The following CCN4 variants were observed in gnomAD, a reference collection of about 807,000 sequenced individuals.
CCN4 encodes CCN family member 4.
CCN4 carries 30 observed loss-of-function variants against 36.7 expected under a neutral mutation model. The ratio of observed to expected loss-of-function variants is 0.82; its 90% CI spans 0.61 to 1.11. CCN4 has a LOEUF of 1.11. CCN4 is among the 50% of genes least tolerant of loss of function. The pLI, the probability that CCN4 is intolerant of heterozygous loss-of-function variation, is 0.00. For synonymous variants in CCN4, 191 were observed against 195.4 expected, an observed-to-expected ratio of 0.98 and a Z score of 0.19; for missense variants, 505 against 504.9, an observed-to-expected ratio of 1.00 and a Z score of 0.00.
chr8:133,197,906 G>A (rs1017187881), intron 1 of CCN4, among the ~76,000 whole-genome samples: 18 of 152,148 alleles, frequency 1.2e-4, no homozygotes, highest in African/African-American at 3.4e-4. Flanking sequence ...GGATGAAGGC[G>A]GGTAATTCTA....
Position 133,191,053 on chromosome 8 carries a change from T to A in CCN4, c.-92T>A. The A allele has an allele frequency of 1.4e-6, 2 of 1,407,890 alleles. No homozygotes were observed. The highest frequency in any genetic ancestry group is 2.0e-6 in the Non-Finnish European group (2 of 1,014,714). The allele number at this position is 1,407,890 out of a possible 1,614,324, so 87.2% of individuals were successfully genotyped here. A position where few individuals can be genotyped will look rare whatever the true frequency, so the allele number is the denominator to read the frequency against. Reference sequence around the variant, plus strand: ...GCGGAAGAGGCATATCTGGTGCTCCTGATGGGCCGGCCAGTCTGGGCCCAG... The same window carrying A: ...GCGGAAGAGGCATATCTGGTGCTCCAGATGGGCCGGCCAGTCTGGGCCCAG... On this transcript the variant is annotated 5_prime_UTR_variant, in exon 1 of 5. Transcript: ENST00000250160.
Position 133,212,974 on chromosome 8 carries a change from C to G in CCN4, c.180C>G (p.Pro60=), listed in dbSNP as rs138500919. 3.7e-6 allele frequency: 6 copies of G among 1,614,014 alleles called. No homozygotes were observed. Among genetic ancestry groups the G allele is most frequent in the Non-Finnish European group, 4.2e-6 (5 of 1,180,010 alleles). ...CATGTGAGTGCCCGCCATCCCCACC[C>G]CGCTGCCCGCTGGGGGTCAGCCTCA... ...KWPCECPPSP[P]RCPLGVSLIT... The change falls in exon 2 of 5, where the codon CCC becomes CCG. Residue 60 remains proline (P), a synonymous_variant. Transcript: ENST00000250160.
chr8:133,227,572 C>A lies in CCN4; in HGVS notation c.966C>A (p.Phe322Leu). Reference protein sequence around the residue: ...PYKSKTIDVSFQCPDGLGFSR... With the variant: ...PYKSKTIDVSLQCPDGLGFSR... ...AGTCTAAGACTATCGACGTGTCCTT[C>A]CAGTGTCCTGATGGGCTTGGCTTCT... The change falls in exon 5 of 5, where the codon TTC (phenylalanine) becomes TTA (leucine). Residue 322 changes from phenylalanine (F) to leucine (L), a missense_variant. Physicochemically the swap from Phe to Leu is conservative, Grantham distance 22. Coordinates refer to ENST00000250160, the MANE Select transcript of CCN4 (RefSeq NM_003882.4). 1 of 1,614,210 alleles carries A rather than the reference C, an allele frequency of 6.2e-7. No individual in the cohort carries two copies. The highest frequency in any genetic ancestry group is 1.1e-5 in the South Asian group (1 of 91,086).
Position 133,231,289 on chromosome 8 carries a change from A to G in CCN4, c.*3579A>G, listed in dbSNP as rs751205614. The G allele has an allele frequency of 2.6e-4, 40 of 152,352 alleles. No homozygotes were observed. The highest frequency in any genetic ancestry group is 5.4e-4 in the Non-Finnish European group (37 of 68,042). 9.4% of individuals were successfully genotyped at this position (152,352 alleles called of 1,614,324 possible). On this transcript the variant is annotated 3_prime_UTR_variant, in exon 5 of 5. Transcript: ENST00000250160. ...TGATAACCCTGCATATCTGGGAATCATAAGTCAACTATGTATCCCTGTGTG... is the reference window on the plus strand; with the variant it reads ...TGATAACCCTGCATATCTGGGAATCGTAAGTCAACTATGTATCCCTGTGTG...
intron 1 of CCN4, among the ~76,000 whole-genome samples, chr8:133,211,595 G>C (rs903906058): frequency 2.6e-5 from 4 of 152,202 alleles, no homozygotes; most frequent in African/African-American, 7.2e-5. Flanking sequence ...CTGGTGTTCC[G>C]AGTGGAAAGC....
chr8:133,205,812 C>CT (rs1375783218), intron 1 of CCN4, among the ~76,000 whole-genome samples: 4 of 152,080 alleles, frequency 2.6e-5, no homozygotes, highest in South Asian at 4.1e-4. Flanking sequence ...ATGTGCAGGC[C>CT]TTTTTTTGTA....
At chr8:133,214,709 G>A (rs890413266) in intron 2 of CCN4, among the ~76,000 whole-genome samples, 1 of 152,072 alleles carries the variant, frequency 6.6e-6, no homozygotes, top group African/African-American at 2.4e-5. Flanking sequence ...GAGCTACCTA[G>A]GTATTATGAT....
chr8:133,227,596 C>G lies in CCN4; in HGVS notation c.990C>G (p.Phe330Leu). ...VSFQCPDGLG[F>L]SRQVLWINAC... ...TCCAGTGTCCTGATGGGCTTGGCTTCTCCCGCCAGGTCCTATGGATTAATG... is the reference window on the plus strand; with the variant it reads ...TCCAGTGTCCTGATGGGCTTGGCTTGTCCCGCCAGGTCCTATGGATTAATG... Residue 330 changes from phenylalanine to leucine, a missense_variant, in exon 5 of 5, where the codon TTC becomes TTG. Physicochemically the swap from Phe to Leu is conservative, Grantham distance 22. Transcript: ENST00000250160. The G allele has an allele frequency of 8.7e-6, 14 of 1,614,238 alleles. No individual in the cohort carries two copies. Among genetic ancestry groups the G allele is most frequent in the Non-Finnish European group, 1.2e-5 (14 of 1,180,046 alleles).
In CCN4 at chr8:133,230,224, G is replaced by A. The variant is rs1026381143; in HGVS notation, c.*2514G>A. 2 of 152,380 alleles carry A rather than the reference G, an allele frequency of 1.3e-5. No homozygotes were observed. The highest frequency in any genetic ancestry group is 4.8e-5 in the African/African-American group (2 of 41,596). The allele number at this position is 152,380 out of a possible 1,614,324, so 9.4% of individuals were successfully genotyped here. ...AGGGCAAGTCTCAGACCCATGGGTT[G>A]AAGCCATGGAGAAGGAAATTTGGAT... On this transcript the variant is annotated 3_prime_UTR_variant, in exon 5 of 5. Coordinates refer to ENST00000250160, the MANE Select transcript of CCN4 (RefSeq NM_003882.4).
At chr8:133,199,860 G>C (rs1185115458) in intron 1 of CCN4, among the ~76,000 whole-genome samples, 1 of 152,100 alleles carries the variant, frequency 6.6e-6, no homozygotes, top group African/African-American at 2.4e-5. Context: ...GGCCCACGGC[G>C]AGCCCCTTCC....
intron 3 of CCN4, 34 bp from the exon 4 acceptor site, chr8:133,225,356 G>A (rs1417883223): frequency 1.9e-6 from 3 of 1,545,284 alleles, no homozygotes; most frequent in Admixed American, 3.7e-5. Flanking sequence ...GGTGGGAGCT[G>A]TAGATTCATG....
chr8:133,194,410 A>G (rs374060400), intron 1 of CCN4, among the ~76,000 whole-genome samples: 14 of 31,932 alleles, frequency 4.4e-4, no homozygotes, highest in African/African-American at 6.6e-4. Context: ...GTGTGTGTGG[A>G]TTTGTGTGGT....
chr8:133,221,113 A>T (rs1173359272), intron 3 of CCN4, among the ~76,000 whole-genome samples: 1 of 152,256 alleles, frequency 6.6e-6, no homozygotes, highest in East Asian at 1.9e-4. Flanking sequence ...ATCCATTATT[A>T]TCCTACTAAA....
In CCN4 at chr8:133,213,089, C is replaced by G; in HGVS notation, c.295C>G (p.Leu99Val). 2 of 1,614,094 alleles carry G rather than the reference C, an allele frequency of 1.2e-6. No homozygotes were observed. The highest frequency in any genetic ancestry group is 1.7e-6 in the Non-Finnish European group (2 of 1,179,936). ...EAAICDPHRG[L>V]YCDYSGDRPR... ...TGCCATCTGTGACCCCCACCGGGGC[C>G]TCTACTGTGACTACAGCGGGGACCG... Residue 99 changes from leucine (L) to valine (V), a missense_variant, in exon 2 of 5, where the codon CTC (leucine) becomes GTC (valine). Coordinates refer to ENST00000250160, the MANE Select transcript of CCN4 (RefSeq NM_003882.4).
intron 1 of CCN4, among the ~76,000 whole-genome samples, chr8:133,200,720 T>C (rs1190928175): frequency 1.3e-5 from 2 of 152,152 alleles, no homozygotes; most frequent in Non-Finnish European, 2.9e-5. Context: ...GCTGACCTCA[T>C]GGGATTGTTT....
chr8:133,203,357 A>C (rs1299494447), intron 1 of CCN4, among the ~76,000 whole-genome samples: 1 of 152,152 alleles, frequency 6.6e-6, no homozygotes, highest in African/African-American at 2.4e-5. Flanking sequence ...CGCTTGGTAC[A>C]TGTGTGTGAT....
At chr8:133,217,929 C>G (rs1374941923) in intron 2 of CCN4, among the ~76,000 whole-genome samples, 1 of 151,022 alleles carries the variant, frequency 6.6e-6, no homozygotes, top group East Asian at 2.0e-4. Flanking sequence ...TTAGCCCACT[C>G]CCTTCTCCAC....
chr8:133,219,818 T>G (rs1354447055), intron 2 of CCN4, among the ~76,000 whole-genome samples: 3 of 152,226 alleles, frequency 2.0e-5, no homozygotes, highest in African/African-American at 7.2e-5. Flanking sequence ...TGATGTTAGT[T>G]CTGTTTAGAA....
Position 133,220,815 on chromosome 8 carries a change from C to A in CCN4, c.584C>A (p.Thr195Asn), listed in dbSNP as rs1211859110. 3 of 1,605,492 alleles carry A rather than the reference C, an allele frequency of 1.9e-6. No homozygotes were observed. Among genetic ancestry groups the A allele is most frequent in the African/African-American group, 1.3e-5 (1 of 74,882 alleles). The change falls in exon 3 of 5, where the codon ACC (threonine) becomes AAC (asparagine). Residue 195 changes from threonine (T) to asparagine (N), a missense_variant. Thr to Asn is a moderately conservative substitution (Grantham distance 65, BLOSUM62 0). Transcript: ENST00000250160. ...GACGACGCCAAGAGGCCACGCAAGA[C>A]CGCACCCCGTGACACAGGAGCCTTC... Reference protein sequence around the residue: ...CEDDAKRPRKTAPRDTGAFDA... With the variant: ...CEDDAKRPRKNAPRDTGAFDA...
Sources: gnomAD v4.1 joint callset for allele counts (sites outside exome capture counted in the v4.1 genomes callset) on GRCh38, gnomAD v4.1.1 for gene constraint, MANE v1.5 for transcripts, NCBI Gene and HGNC (gene_info 2026-07-23, HGNC 2026-07-21) for gene names.